Variants in NRG2 observed in about 807,000 individuals in gnomAD.
The protein encoded by NRG2 is pro-neuregulin-2, membrane-bound isoform.
In NRG2, 27 loss-of-function variants were observed where a neutral mutation model predicts 73.9. That is an observed-to-expected ratio of 0.37 (90% CI 0.27 to 0.50). The LOEUF (loss-of-function observed/expected upper bound fraction) is 0.50, where lower values mean the gene tolerates loss of function less well. NRG2 is among the 20% of genes least tolerant of loss of function. NRG2 has a pLI of 0.96. For missense variants in NRG2, 1,126 were observed against 1,210.1 expected (o/e 0.93, Z 1.03); for synonymous variants, 532 against 541.0 (o/e 0.98, Z 0.23).
At chr5:140,018,826 A>G (rs1759997914) in intron 1 of NRG2, among the ~76,000 whole-genome samples, 4 of 151,860 alleles carry the variant, frequency 2.6e-5, no homozygotes, top group African/African-American at 9.7e-5. Context: ...CCTTTGAGGC[A>G]CTCCTTTCTC....
intron 1 of NRG2, among the ~76,000 whole-genome samples, chr5:139,993,903 G>A (rs1005996143): frequency 6.6e-6 from 1 of 152,152 alleles, no homozygotes; most frequent in South Asian, 2.1e-4. Flanking sequence ...CAAGCCAAAG[G>A]TTCACAGCAG....
chr5:139,874,141 C>T (rs1369918705), intron 3 of NRG2, among the ~76,000 whole-genome samples: 3 of 152,242 alleles, frequency 2.0e-5, no homozygotes, highest in Non-Finnish European at 2.9e-5. Context: ...GATTTCCACA[C>T]GGAAGAGCTG....
intron 9 of NRG2, among the ~76,000 whole-genome samples, chr5:139,850,685 C>A (rs917717943): frequency 6.6e-5 from 10 of 152,238 alleles, no homozygotes; most frequent in African/African-American, 1.9e-4. Flanking sequence ...AGCAAGGTGG[C>A]AGGGGTGCTG....
intron 1 of NRG2, among the ~76,000 whole-genome samples, chr5:139,900,104 C>T (rs1764779869): frequency 1.3e-5 from 2 of 152,110 alleles, no homozygotes; most frequent in Non-Finnish European, 2.9e-5. Context: ...CTGGTAAGTT[C>T]CTATTCACCA....
Position 139,847,953 on chromosome 5 carries a change from C to T in NRG2, c.2517G>A (p.Pro839=), listed in dbSNP as rs1341704408. 2 of 1,506,300 alleles carry T rather than the reference C, an allele frequency of 1.3e-6. No homozygotes were observed. Among genetic ancestry groups the T allele is most frequent in the Non-Finnish European group, 8.8e-7 (1 of 1,132,714 alleles). The allele number at this position is 1,506,300 out of a possible 1,614,324, so 93.3% of individuals were successfully genotyped here. A position where few individuals can be genotyped will look rare whatever the true frequency, so the allele number is the denominator to read the frequency against. ...TRASSRHSRG[P]PPRAKQDSAP... ...CCGAGTCCTGCTTGGCCCGCGGGGG[C>T]GGCCCGCGGCTGTGTCTGCTGCTGG... The change falls in exon 10 of 10, where the codon CCG becomes CCA. Residue 839 remains proline, a synonymous_variant. Coordinates refer to ENST00000361474, the MANE Select transcript of NRG2 (RefSeq NM_004883.3).
In NRG2 at chr5:140,042,551, C is replaced by T. The variant is rs1395040829; in HGVS notation, c.519G>A (p.Gly173=). ...CGCTGATCACCTGCTCGCGCTGCAG[C>T]CCCCCGCTCCGGAGCGGCCACTTGT... ...VLDKWPLRSG[G]LQREQVISVG... is the part of the protein sequence containing the mutation. Residue 173 remains glycine, a synonymous_variant, in exon 1 of 10, where the codon GGG becomes GGA. Transcript: ENST00000361474. 6 of 1,611,714 alleles carry T rather than the reference C, an allele frequency of 3.7e-6. No homozygotes were observed. Among genetic ancestry groups the T allele is most frequent in the Admixed American group, 3.3e-5 (2 of 59,934 alleles).
chr5:140,004,080 G>T (rs952991979), intron 1 of NRG2, among the ~76,000 whole-genome samples: 2 of 152,174 alleles, frequency 1.3e-5, no homozygotes, highest in African/African-American at 4.8e-5. Flanking sequence ...GGTGAGGAGT[G>T]TACAGGAACC....
chr5:139,911,312 A>G (rs1172003926), intron 1 of NRG2, among the ~76,000 whole-genome samples: 1 of 152,044 alleles, frequency 6.6e-6, no homozygotes, highest in African/African-American at 2.4e-5. Context: ...AATGATGTTG[A>G]GAGATCCTCA....
At chr5:139,927,429 C>G (rs1752139312) in intron 1 of NRG2, among the ~76,000 whole-genome samples, 1 of 152,156 alleles carries the variant, frequency 6.6e-6, no homozygotes, top group Non-Finnish European at 1.5e-5. Context: ...AATCTTGCTC[C>G]TGGTCCCAAA....
Position 139,870,414 on chromosome 5 carries a change from G to A in NRG2, c.1112+1307C>T, listed in dbSNP as rs1428894148. ...AGGCCAGCCGGGGCAAGAGCCCCTCGTTACCATGTTGTTAGGTGGAGGGGT... is the reference window on the plus strand; with the variant it reads ...AGGCCAGCCGGGGCAAGAGCCCCTCATTACCATGTTGTTAGGTGGAGGGGT... On this transcript the variant is annotated intron_variant, in intron 4 of 9. Transcript: ENST00000361474. This position sits in a 1 kb window ranked among gnomAD's most constrained non-coding sequence, Gnocchi z 4.4. 5.9e-5 allele frequency among the ~76,000 whole-genome samples: 9 copies of A among 152,302 alleles called. No individual in the cohort carries two copies. The East Asian group carries it at 1.2e-3, about 20-fold the overall frequency.
chr5:140,036,623 C>T (rs1380356008), intron 1 of NRG2, among the ~76,000 whole-genome samples: 1 of 152,200 alleles, frequency 6.6e-6, no homozygotes, highest in Non-Finnish European at 1.5e-5. Context: ...ATAAACTGGA[C>T]TTATTTCTAT....
intron 1 of NRG2, among the ~76,000 whole-genome samples, chr5:139,907,860 C>T (rs1212177950): frequency 6.6e-6 from 1 of 152,144 alleles, no homozygotes; most frequent in African/African-American, 2.4e-5. Flanking sequence ...ATGAGCAGAC[C>T]AGGTTTATGT....
At chr5:140,034,334 T>A (rs1463922525) in intron 1 of NRG2, among the ~76,000 whole-genome samples, 1 of 151,834 alleles carries the variant, frequency 6.6e-6, no homozygotes, top group African/African-American at 2.4e-5. Flanking sequence ...GGGTCGACTT[T>A]TTTTTTTTTT....
chr5:140,041,787 AC>A (rs60289294), intron 1 of NRG2, among the ~76,000 whole-genome samples: 2 of 152,262 alleles, frequency 1.3e-5, no homozygotes, highest in East Asian at 3.9e-4. Context: ...AGGACGGAAA[AC>A]AGTAGCAGAA....
intron 1 of NRG2, among the ~76,000 whole-genome samples, chr5:140,040,968 G>A (rs977601701): frequency 6.6e-6 from 1 of 152,246 alleles, no homozygotes; most frequent in South Asian, 2.1e-4. Context: ...TCTCATTAAA[G>A]TGATCACAGT....
Position 140,042,500 on chromosome 5 carries a change from C to T in NRG2, c.570G>A (p.Arg190=). The T allele has an allele frequency of 1.2e-6, 2 of 1,613,752 alleles. No homozygotes were observed. The highest frequency in any genetic ancestry group is 1.7e-6 in the Non-Finnish European group (2 of 1,179,942). Residue 190 remains arginine, a synonymous_variant, in exon 1 of 10, where the codon AGG becomes AGA. Coordinates refer to ENST00000361474, the MANE Select transcript of NRG2 (RefSeq NM_004883.3). The part of the protein sequence containing the change: ...ISVGSCVPLE[R]NQRYIFFLEP... ...CCAGGAAAAAGATGTAGCGCTGGTT[C>T]CTTTCGAGCGGCACACAGGAGCCCA...
At chr5:139,971,404 A>G (rs904137676) in intron 1 of NRG2, among the ~76,000 whole-genome samples, 1 of 152,202 alleles carries the variant, frequency 6.6e-6, no homozygotes, top group Non-Finnish European at 1.5e-5. Context: ...GGCAGCCAAC[A>G]AGGAGTTGAT....
intron 1 of NRG2, among the ~76,000 whole-genome samples, chr5:139,971,207 C>G (rs1755943504): frequency 1.3e-5 from 2 of 152,170 alleles, no homozygotes; most frequent in Non-Finnish European, 2.9e-5. Flanking sequence ...CTGAGAGCCC[C>G]CAGGGTTGGC....
chr5:139,848,047 T>G lies in NRG2; in HGVS notation c.2423A>C (p.Asp808Ala). 6.6e-7 allele frequency: 1 copy of G among 1,505,850 alleles called. No homozygotes were observed. Among genetic ancestry groups the G allele is most frequent in the African/African-American group, 1.5e-5 (1 of 68,960 alleles). The allele number at this position is 1,505,850 out of a possible 1,614,324, so 93.3% of individuals were successfully genotyped here. A position where few individuals can be genotyped will look rare whatever the true frequency, so the allele number is the denominator to read the frequency against. ...GGCCGCCGGGCACAGTGGCGGCGAG[T>G]CCGAGCGCAGCGCGTCGTGCGCCCC... ...LRGAHDALRS[D>A]SPPLCPAADS... The change falls in exon 10 of 10, where the codon GAC becomes GCC. Residue 808 changes from aspartate (D) to alanine (A), a missense_variant. By Grantham distance (126) the Asp-to-Ala change is moderately radical. Transcript: ENST00000361474.
Sources: allele counts gnomAD v4.1 joint callset (sites outside exome capture counted in the v4.1 genomes callset), GRCh38; gene constraint gnomAD v4.1.1; non-coding constraint Gnocchi (gnomAD v3.1); transcripts MANE v1.5; gene names NCBI Gene and HGNC (gene_info 2026-07-23, HGNC 2026-07-21).